PCDHGB4: variants seen among roughly 807,000 people sequenced by gnomAD.
The protein encoded by PCDHGB4 is protocadherin gamma subfamily B, 4, also known as protocadherin gamma-B4.
A neutral mutation model predicts 60.5 loss-of-function variants in PCDHGB4; 38 were observed. The ratio of observed to expected loss-of-function variants is 0.63; its 90% CI spans 0.48 to 0.82. The LOEUF is 0.82. Ranked by LOEUF, PCDHGB4 falls within the 40% of genes least tolerant of loss-of-function variation. PCDHGB4 has a pLI of 0.00. For synonymous variants in PCDHGB4, 456 were observed against 509.7 expected (o/e 0.89, Z 1.42); for missense variants, 1,109 against 1,209.6 (o/e 0.92, Z 1.23).
chr5:141,456,463 G>A (rs1195450847), intron 1 of PCDHGB4, among the ~76,000 whole-genome samples: 1 of 152,122 alleles, frequency 6.6e-6, no homozygotes, highest in Non-Finnish European at 1.5e-5. Context: ...ATCAATACAA[G>A]ACATATAAGC....
chr5:141,401,215 G>A (rs371927686), intron 1 of PCDHGB4, among the ~76,000 whole-genome samples: 9 of 152,158 alleles, frequency 5.9e-5, no homozygotes, highest in African/African-American at 9.6e-5. Context: ...GGTGGCGGGC[G>A]CCTGTAATCC....
intron 2 of PCDHGB4, among the ~76,000 whole-genome samples, chr5:141,501,159 C>G (rs1475164887): frequency 6.6e-6 from 1 of 152,096 alleles, no homozygotes; most frequent in East Asian, 1.9e-4. Context: ...GAGCCACCAT[C>G]CCCAGCCTCA....
rs764658508 is a variant in PCDHGB4 at position 141,431,546 on chromosome 5, G to A, written c.2397+41265G>A. 1.2e-6 allele frequency: 2 copies of A among 1,614,000 alleles called. No homozygotes were observed. Among genetic ancestry groups the A allele is most frequent in the Admixed American group, 3.3e-5 (2 of 60,012 alleles). On this transcript the variant is annotated intron_variant, in intron 1 of 3. Coordinates refer to ENST00000519479, the MANE Select transcript of PCDHGB4 (RefSeq NM_003736.4). This position sits in a 1 kb window ranked among gnomAD's most constrained non-coding sequence, Gnocchi z 4.8. The stretch of plus-strand genomic sequence containing the variant: ...TCTGGCCTTGGGCACGCAGCTGCTT[G>A]TAGTCAACGCTACCGACCCTGACGA...
intron 1 of PCDHGB4, chr5:141,410,318 G>A: frequency 6.2e-7 from 1 of 1,613,982 alleles, no homozygotes; most frequent in Non-Finnish European, 8.5e-7. Flanking sequence ...CTTCCTCCTC[G>A]CCGTGATTCT....
rs1589316075 is a variant in PCDHGB4, at chr5:141,398,010, G to GAATTT, written c.2397+7729_2397+7730insAATTT. 8 of 1,407,812 alleles carry GAATTT rather than the reference G, an allele frequency of 5.7e-6. 1 individual carries two copies. The East Asian group carries it at 1.5e-4, about 27-fold the overall frequency. 87.2% of individuals were successfully genotyped at this position (1,407,812 alleles called of 1,614,324 possible). Reference sequence around the variant, plus strand: ...CCGCTTCCTCCTCGGAAAAAGAATCGTTTCCTAAACTGGAACTGGAACTAA... The same window carrying GAATTT: ...CCGCTTCCTCCTCGGAAAAAGAATCGAATTTTTTCCTAAACTGGAACTGGAACTAA... On this transcript the variant is annotated intron_variant, in intron 1 of 3. Transcript: ENST00000519479.
At position 141,477,938 on chromosome 5, in the gene PCDHGB4, T is replaced by C. The variant is rs1441443411; in HGVS notation, c.2398-16869T>C. The stretch of plus-strand genomic sequence containing the variant: ...TGCAGGGCACAATGCCTGGCTCTCC[T>C]ACAGTCTCTTGGGATCCCCTAACCA... On this transcript the variant is annotated intron_variant, in intron 1 of 3. Transcript: ENST00000519479. The surrounding 1 kb of genome is among the most constrained non-coding windows in gnomAD (Gnocchi z 4.9). The C allele has an allele frequency of 3.1e-6, 5 of 1,614,036 alleles. No homozygotes were observed. The highest frequency in any genetic ancestry group is 4.2e-6 in the Non-Finnish European group (5 of 1,180,030).
At chr5:141,499,029 A>AAGGAAGGAAGGAAGG (rs1562187768) in intron 2 of PCDHGB4, among the ~76,000 whole-genome samples, 10 of 139,968 alleles carry the variant, frequency 7.1e-5, no homozygotes, top group African/African-American at 2.8e-4. Context: ...AGGAAGGAAG[A>AAGGAAGGAAGGAAGG]AAAGAAAGAA....
intron 1 of PCDHGB4, chr5:141,478,812 A>C: frequency 1.4e-6 from 2 of 1,453,554 alleles, no homozygotes; most frequent in Non-Finnish European, 1.8e-6. Context: ...TTGCTATCAC[A>C]ACTAACCAAT....
At position 141,490,006 on chromosome 5, in the gene PCDHGB4, C is replaced by T; in HGVS notation, c.2398-4801C>T. The stretch of plus-strand genomic sequence containing the variant: ...ACGTGTGGGAATCCCAGAGAATGCA[C>T]CCATTGGTACTCTGCTGCTCCGCCT... On this transcript the variant is annotated intron_variant, in intron 1 of 3. Coordinates refer to ENST00000519479, the MANE Select transcript of PCDHGB4 (RefSeq NM_003736.4). This position sits in a 1 kb window ranked among gnomAD's most constrained non-coding sequence, Gnocchi z 5.4. 2 of 1,614,222 alleles carry T rather than the reference C, an allele frequency of 1.2e-6. No homozygotes were observed. The highest frequency in any genetic ancestry group is 1.7e-6 in the Non-Finnish European group (2 of 1,180,010).
chr5:141,475,384 A>T (rs2099362853), intron 1 of PCDHGB4, among the ~76,000 whole-genome samples: 1 of 152,370 alleles, frequency 6.6e-6, no homozygotes, highest in East Asian at 1.9e-4. Flanking sequence ...TTTAAATTTT[A>T]TAAGCCAGAG....
chr5:141,391,910 CAT>C (rs2092442264), intron 1 of PCDHGB4: 2 of 152,134 alleles, frequency 1.3e-5, no homozygotes, highest in African/African-American at 4.8e-5. Context: ...TGCTTTTTAT[CAT>C]ATATTCATCT....
At chr5:141,409,063 C>A (rs988950366) in intron 1 of PCDHGB4, 2 of 1,613,860 alleles carry the variant, frequency 1.2e-6, no homozygotes, top group African/African-American at 2.7e-5. Flanking sequence ...CTGCCCAGAG[C>A]ACAAAACATA....
At chr5:141,399,833 C>A in intron 1 of PCDHGB4, 1 of 1,613,140 alleles carries the variant, frequency 6.2e-7, no homozygotes, top group Non-Finnish European at 8.5e-7. Context: ...GACGGCTCTG[C>A]GCTCTTCGAT....
At chr5:141,495,558 A>G (rs2099762084) in intron 2 of PCDHGB4, among the ~76,000 whole-genome samples, 1 of 151,662 alleles carries the variant, frequency 6.6e-6, no homozygotes, top group Admixed American at 6.6e-5. Flanking sequence ...TCGCTTTGCA[A>G]TCTCTGCCTC....
chr5:141,418,848 G>T (rs770294020), intron 1 of PCDHGB4: 1 of 1,613,954 alleles, frequency 6.2e-7, no homozygotes, highest in Non-Finnish European at 8.5e-7. Flanking sequence ...CTCTCAACAC[G>T]GTGTAAAGTA....
At position 141,414,606 on chromosome 5, in the gene PCDHGB4, A is replaced by G. The variant is rs760846889; in HGVS notation, c.2397+24325A>G. ...ACGCCAGGGGTGCCTCCATCTTCTCAGTGACAGCGCTGGACCCGGACAGCA... is the reference window on the plus strand; with the variant it reads ...ACGCCAGGGGTGCCTCCATCTTCTCGGTGACAGCGCTGGACCCGGACAGCA... On this transcript the variant is annotated intron_variant, in intron 1 of 3. Coordinates refer to ENST00000519479, the MANE Select transcript of PCDHGB4 (RefSeq NM_003736.4). The G allele has an allele frequency of 1.6e-5, 26 of 1,613,826 alleles. No homozygotes were observed. In the East Asian group the frequency reaches 5.6e-4, roughly 35 times the overall value.
At chr5:141,402,919 G>T in intron 1 of PCDHGB4, 1 of 1,572,640 alleles carries the variant, frequency 6.4e-7, no homozygotes, top group Non-Finnish European at 8.6e-7. Flanking sequence ...CGCGCACAGA[G>T]ATCCTTTTGA....
chr5:141,485,737 C>T lies in PCDHGB4; in HGVS notation c.2398-9070C>T. On this transcript the variant is annotated intron_variant, in intron 1 of 3. Coordinates refer to ENST00000519479, the MANE Select transcript of PCDHGB4 (RefSeq NM_003736.4). The surrounding 1 kb of genome is among the most constrained non-coding windows in gnomAD (Gnocchi z 5.7). ...TGGATGTGAAGAAGCGCAGCGACGGCAGCCTGGTCCCAGAGCTGCTCCTGG... is the reference window on the plus strand; with the variant it reads ...TGGATGTGAAGAAGCGCAGCGACGGTAGCCTGGTCCCAGAGCTGCTCCTGG... 6.2e-7 allele frequency: 1 copy of T among 1,614,222 alleles called. No individual in the cohort carries two copies. Among genetic ancestry groups the T allele is most frequent in the Non-Finnish European group, 8.5e-7 (1 of 1,180,036 alleles).
At chr5:141,393,820 C>T (rs2092851099) in intron 1 of PCDHGB4, 1 of 1,613,918 alleles carries the variant, frequency 6.2e-7, no homozygotes, top group Non-Finnish European at 8.5e-7. Context: ...TTGCTCATTT[C>T]GGTGGAAGAT....
Sources: gnomAD v4.1 joint callset for allele counts (sites outside exome capture counted in the v4.1 genomes callset) on GRCh38, gnomAD v4.1.1 for gene constraint, Gnocchi (gnomAD v3.1) non-coding constraint, MANE v1.5 for transcripts, NCBI Gene and HGNC (gene_info 2026-07-23, HGNC 2026-07-21) for gene names.